MPPED1: variants seen among roughly 807,000 people sequenced by gnomAD.
The protein encoded by MPPED1 is metallophosphoesterase domain-containing protein 1.
In MPPED1, 16 loss-of-function variants were observed where a neutral mutation model predicts 36.2. That is an observed-to-expected ratio of 0.44 (90% CI 0.30 to 0.67). MPPED1 has a LOEUF of 0.67. Among genes scored for constraint, MPPED1 ranks in the 30% least tolerant of loss-of-function variants. MPPED1 has a pLI of 0.10. For synonymous variants in MPPED1, 199 were observed against 191.3 expected, an observed-to-expected ratio of 1.04 and a Z score of -0.33; for missense variants, 307 against 453.4, an observed-to-expected ratio of 0.68 and a Z score of 2.93.
intron 4 of MPPED1, among the ~76,000 whole-genome samples, chr22:43,481,348 T>C (rs1931743169): frequency 6.6e-6 from 1 of 152,170 alleles, no homozygotes; most frequent in Non-Finnish European, 1.5e-5. Flanking sequence ...CTCTCCTCCA[T>C]TGGGCCATTC....
chr22:43,493,558 C>T (rs1932167199), intron 4 of MPPED1, among the ~76,000 whole-genome samples: 1 of 152,212 alleles, frequency 6.6e-6, no homozygotes, highest in Non-Finnish European at 1.5e-5. Context: ...GGGGCCGGCA[C>T]GCCAGGACCC....
intron 4 of MPPED1, among the ~76,000 whole-genome samples, chr22:43,495,511 G>GGTGGTGGAGGTA (rs1932262124): frequency 7.2e-6 from 1 of 139,664 alleles, no homozygotes; most frequent in African/African-American, 2.6e-5. Context: ...TGGAGGTGGT[G>GGTGGTGGAGGTA]GTGGTGGTGG....
rs753536217 is a variant in MPPED1 at position 43,432,464 on chromosome 22, GGA to G, written c.225-2559_225-2558del. On this transcript the variant is annotated intron_variant, in intron 2 of 6. Transcript: ENST00000443721. Reference sequence around the variant, plus strand: ...GAAAGGGAGGAGAGAGATAAAGAGAGGAGAGAGAGAGAAAGGGAGGAGAGAAA... The same window carrying G: ...GAAAGGGAGGAGAGAGATAAAGAGAGGAGAGAGAGAAAGGGAGGAGAGAAA... Among the ~76,000 whole-genome samples, 26 of 126,040 alleles carry G rather than the reference GGA, an allele frequency of 2.1e-4. 1 individual carries two copies. The highest frequency in any genetic ancestry group is 1.3e-3 in the East Asian group (5 of 3,888). 82.7% of individuals were successfully genotyped at this position (126,040 alleles called of 152,430 possible).
chr22:43,420,904 A>G (rs1465218093), intron 1 of MPPED1, among the ~76,000 whole-genome samples: 1 of 152,196 alleles, frequency 6.6e-6, no homozygotes, highest in Non-Finnish European at 1.5e-5. Flanking sequence ...TGGAACAGGG[A>G]GAGCATGTAG....
At chr22:43,419,742 G>T (rs920957627) in intron 1 of MPPED1, among the ~76,000 whole-genome samples, 1 of 151,718 alleles carries the variant, frequency 6.6e-6, no homozygotes, top group Non-Finnish European at 1.5e-5. Context: ...GTTTGGGGGT[G>T]GGGGGTGGTC....
At chr22:43,443,791 T>C (rs1465748504) in intron 3 of MPPED1, among the ~76,000 whole-genome samples, 1 of 152,150 alleles carries the variant, frequency 6.6e-6, no homozygotes, top group Non-Finnish European at 1.5e-5. Context: ...CAGACACACA[T>C]TGTTATTCTT....
At position 43,506,172 on chromosome 22, in the gene MPPED1, C is replaced by T. The variant is rs145762729; in HGVS notation, c.*556C>T. ...CTCAGGAATTCAGACCGCACCTGGCCAGGCCCACAGCTGTTTGCCTGGCAT... is the reference window on the plus strand; with the variant it reads ...CTCAGGAATTCAGACCGCACCTGGCTAGGCCCACAGCTGTTTGCCTGGCAT... On this transcript the variant is annotated 3_prime_UTR_variant, in exon 7 of 7. Coordinates refer to ENST00000443721, the MANE Select transcript of MPPED1 (RefSeq NM_001044370.2). 2 of 152,818 alleles carry T rather than the reference C, an allele frequency of 1.3e-5. No homozygotes were observed. Among genetic ancestry groups the T allele is most frequent in the Admixed American group, 6.5e-5 (1 of 15,292 alleles). 9.5% of individuals were successfully genotyped at this position (152,818 alleles called of 1,614,324 possible). A position where few individuals can be genotyped will look rare whatever the true frequency, so the allele number is the denominator to read the frequency against.
intron 3 of MPPED1, among the ~76,000 whole-genome samples, chr22:43,437,427 G>A (rs549455934): frequency 6.6e-6 from 1 of 152,336 alleles, no homozygotes; most frequent in Non-Finnish European, 1.5e-5. Context: ...AAGTCCCAGA[G>A]AAGTGAAGCC....
intron 3 of MPPED1, among the ~76,000 whole-genome samples, chr22:43,455,983 G>C (rs984233186): frequency 7.2e-5 from 11 of 152,220 alleles, no homozygotes; most frequent in African/African-American, 2.4e-4. Flanking sequence ...GCTCTGGTGA[G>C]GGAGAGGAAA....
chr22:43,440,890 T>C (rs1039246830), intron 3 of MPPED1, among the ~76,000 whole-genome samples: 5 of 152,186 alleles, frequency 3.3e-5, no homozygotes, highest in African/African-American at 1.2e-4. Flanking sequence ...AGGCTCCATG[T>C]GGCCTCCCTC....
chr22:43,472,495 G>C (rs571530343), intron 3 of MPPED1, among the ~76,000 whole-genome samples: 19 of 152,340 alleles, frequency 1.2e-4, no homozygotes, highest in African/African-American at 4.6e-4. Context: ...AGTGGGTCTG[G>C]GATCCAGGCT....
At chr22:43,492,468 A>T (rs1932134077) in intron 4 of MPPED1, among the ~76,000 whole-genome samples, 1 of 152,110 alleles carries the variant, frequency 6.6e-6, no homozygotes, top group South Asian at 2.1e-4. Context: ...GCCCACCCAG[A>T]GGCCATTCCT....
chr22:43,453,330 CCT>C (rs1491420765), intron 3 of MPPED1, among the ~76,000 whole-genome samples: 1 of 134,506 alleles, frequency 7.4e-6, no homozygotes, highest in South Asian at 2.7e-4. Flanking sequence ...CACCACCCCC[CCT>C]GCCCCTTTAA....
intron 2 of MPPED1, among the ~76,000 whole-genome samples, chr22:43,432,483 G>GAGA: frequency 1.9e-5 from 2 of 106,032 alleles, no homozygotes; most frequent in African/African-American, 7.2e-5. Flanking sequence ...GAGAAAGGGA[G>GAGA]GAGAGAAAGG....
intron 4 of MPPED1, among the ~76,000 whole-genome samples, chr22:43,489,043 C>A (rs1466510431): frequency 7.2e-5 from 11 of 152,166 alleles, no homozygotes; most frequent in African/African-American, 2.7e-4. Context: ...TTGATCAGGG[C>A]TGACTGGGCC....
At chr22:43,420,989 C>T (rs2146814649) in intron 1 of MPPED1, among the ~76,000 whole-genome samples, 1 of 152,282 alleles carries the variant, frequency 6.6e-6, no homozygotes, top group East Asian at 1.9e-4. Flanking sequence ...CCCCGTAGTT[C>T]CATTTTGGGG....
rs1932823324 is a variant in MPPED1, at chr22:43,506,707, C to A, written c.*1091C>A. 1 of 152,126 alleles carries A rather than the reference C, an allele frequency of 6.6e-6. No individual in the cohort carries two copies. The highest frequency in any genetic ancestry group is 2.1e-4 in the South Asian group (1 of 4,810). The allele number at this position is 152,126 out of a possible 1,614,324, so 9.4% of individuals were successfully genotyped here. A position where few individuals can be genotyped will look rare whatever the true frequency, so the allele number is the denominator to read the frequency against. ...CAGGCTCCAGCAGCCCCACCTTGGA[C>A]AGCTTCTTTTTCTTCTTTGAATTAG... is the stretch of plus-strand genomic sequence containing the variant. On this transcript the variant is annotated 3_prime_UTR_variant, in exon 7 of 7. Transcript: ENST00000443721.
rs1015335046 is a variant in MPPED1 at position 43,425,280 on chromosome 22, C to T, written c.224+71C>T. ...TGGGGTGGGTGCATGGTCTCGGGTG[C>T]CTCCTGGTTCTGGGGGCACTGTAAC... On this transcript the variant is annotated intron_variant, in intron 2 of 6. Coordinates refer to ENST00000443721, the MANE Select transcript of MPPED1 (RefSeq NM_001044370.2). The T allele has an allele frequency of 2.0e-6, 3 of 1,468,178 alleles. No homozygotes were observed. The African/African-American group carries it at 4.2e-5, about 21-fold the overall frequency. 90.9% of individuals were successfully genotyped at this position (1,468,178 alleles called of 1,614,324 possible). A position where few individuals can be genotyped will look rare whatever the true frequency, so the allele number is the denominator to read the frequency against.
At chr22:43,469,810 T>C (rs1433371262) in intron 3 of MPPED1, among the ~76,000 whole-genome samples, 2 of 152,148 alleles carry the variant, frequency 1.3e-5, no homozygotes, top group Non-Finnish European at 2.9e-5. Flanking sequence ...GATGGATTGA[T>C]TGATAAATGC....
Sources: allele counts gnomAD v4.1 joint callset (sites outside exome capture counted in the v4.1 genomes callset), GRCh38; gene constraint gnomAD v4.1.1; transcripts MANE v1.5; gene names NCBI Gene and HGNC (gene_info 2026-07-23, HGNC 2026-07-21).